FBXO11: variants seen among roughly 807,000 people sequenced by gnomAD.
The protein encoded by FBXO11 is F-box only protein 11.
Under a neutral mutation model 117.0 loss-of-function variants are expected in FBXO11, and 13 were observed. That is an observed-to-expected ratio of 0.11 (90% confidence interval 0.07 to 0.18). The LOEUF (loss-of-function observed/expected upper bound fraction) is 0.18. Among genes scored for constraint, FBXO11 ranks in the 10% least tolerant of loss-of-function variants. FBXO11 has a pLI of 1.00. For synonymous variants in FBXO11, 490 were observed against 380.5 expected, an observed-to-expected ratio of 1.29 and a Z score of -3.35; for missense variants, 767 against 1,164.4, an observed-to-expected ratio of 0.66 and a Z score of 4.97.
rs1274065101 is a variant in FBXO11, at chr2:47,809,264, T to A, written c.2449A>T (p.Asn817Tyr). The A allele has an allele frequency of 6.5e-7, 1 of 1,541,990 alleles. No individual in the cohort carries two copies. Residue 817 changes from asparagine to tyrosine, a missense_variant and splice_region_variant, in exon 21 of 23, where the codon AAC becomes TAC. Physicochemically the swap from Asn to Tyr is moderately radical, Grantham distance 143. Transcript: ENST00000403359. ...ASGVNVTMKDNKIMNNQDAIE... is the reference protein window; with the variant it reads ...ASGVNVTMKDYKIMNNQDAIE... ...GCATCTTGATTGTTCATTATTTTGT[T>A]ATCTGTAATAAAAGAAAGAATAAGT...
At position 47,834,719 on chromosome 2, in the gene FBXO11, A is replaced by C. The variant is rs1672424134; in HGVS notation, c.802-8T>G. ...TTCAATAGTATCATAATACTAGAAA[A>C]AAATAAATGTGTCAGTACAGAACTG... On this transcript the variant is annotated splice_polypyrimidine_tract_variant and splice_region_variant and intron_variant, in intron 6 of 22. Coordinates refer to ENST00000403359, the MANE Select transcript of FBXO11 (RefSeq NM_001190274.2). 6.2e-7 allele frequency: 1 copy of C among 1,607,610 alleles called. No individual in the cohort carries two copies. The highest frequency in any genetic ancestry group is 8.5e-7 in the Non-Finnish European group (1 of 1,178,288).
chr2:47,808,932 A>C (rs115277608), intron 21 of FBXO11: 17 of 398,772 alleles, frequency 4.3e-5, no homozygotes, highest in South Asian at 2.9e-4. Flanking sequence ...CCTGGGCTCC[A>C]GTGATCCTCC....
chr2:47,896,376 C>T (rs1222276184), intron 1 of FBXO11, among the ~76,000 whole-genome samples: 1 of 151,208 alleles, frequency 6.6e-6, no homozygotes, highest in Non-Finnish European at 1.5e-5. Flanking sequence ...GTCACCCAGG[C>T]TGGAGTGCAG....
At chr2:47,842,693 T>C (rs573399599) in intron 1 of FBXO11, among the ~76,000 whole-genome samples, 82 of 151,690 alleles carry the variant, frequency 5.4e-4, no homozygotes, top group Non-Finnish European at 6.9e-4. Flanking sequence ...GTTCAAGAAG[T>C]ATTTCAATTA....
chr2:47,820,891 G>C (rs991520833), intron 13 of FBXO11, among the ~76,000 whole-genome samples: 7 of 152,186 alleles, frequency 4.6e-5, no homozygotes, highest in African/African-American at 1.7e-4. Flanking sequence ...GTATTAACCA[G>C]GTTAGAGTTA....
At position 47,900,454 on chromosome 2, in the gene FBXO11, A is replaced by C. The variant is rs1342589136; in HGVS notation, c.232+5035T>G. Among the ~76,000 whole-genome samples, 4 of 152,156 alleles carry C rather than the reference A, an allele frequency of 2.6e-5. No homozygotes were observed. In the East Asian group the frequency reaches 7.7e-4, roughly 29 times the overall value. ...GAACAATGCCACAGAAAGTATAACT[A>C]GCATTCCTGACTAGAACAGCAAGGA... On this transcript the variant is annotated intron_variant, in intron 1 of 22. Transcript: ENST00000403359.
intron 16 of FBXO11, among the ~76,000 whole-genome samples, chr2:47,815,950 TG>T (rs1379103909): frequency 6.6e-6 from 1 of 152,188 alleles, no homozygotes; most frequent in Non-Finnish European, 1.5e-5. Flanking sequence ...TGGCCCACGC[TG>T]GCCTCATGGG....
At chr2:47,866,511 G>A (rs1675208778) in intron 1 of FBXO11, among the ~76,000 whole-genome samples, 1 of 149,280 alleles carries the variant, frequency 6.7e-6, no homozygotes, top group South Asian at 2.1e-4. Context: ...GTCTTGCTCT[G>A]TCGCCAGGCT....
chr2:47,837,256 G>T (rs186555451), intron 4 of FBXO11, among the ~76,000 whole-genome samples: 1 of 152,366 alleles, frequency 6.6e-6, no homozygotes, highest in African/African-American at 2.4e-5. Flanking sequence ...GCCGGGCACA[G>T]TGGCCCATGC....
intron 1 of FBXO11, among the ~76,000 whole-genome samples, chr2:47,861,687 G>A (rs1253932684): frequency 6.6e-6 from 1 of 152,110 alleles, no homozygotes; most frequent in East Asian, 1.9e-4. Context: ...TGAGACACAA[G>A]AAGTTAACTT....
intron 1 of FBXO11, among the ~76,000 whole-genome samples, chr2:47,849,410 C>T (rs573522743): frequency 1.3e-5 from 2 of 152,292 alleles, no homozygotes; most frequent in African/African-American, 4.8e-5. Flanking sequence ...CGTTCTTACA[C>T]TGAATTTTTG....
At position 47,813,840 on chromosome 2, in the gene FBXO11, G is replaced by T. The variant is rs1188705069; in HGVS notation, c.2034C>A (p.Arg678=). 1 of 1,613,398 alleles carries T rather than the reference G, an allele frequency of 6.2e-7. No individual in the cohort carries two copies. Among genetic ancestry groups the T allele is most frequent in the Admixed American group, 1.7e-5 (1 of 59,976 alleles). Residue 678 remains arginine, a synonymous_variant, in exon 17 of 23, where the codon CGC becomes CGA. Transcript: ENST00000403359. The part of the protein sequence containing the change: ...IRTGSNPKIR[R]NKIWGGQNGG... ...CATTCTGTCCTCCCCAGATTTTGTT[G>T]CGTCTAATTTTGGGGTTGCTTCCAG...
chr2:47,864,846 G>A (rs1304414600), intron 1 of FBXO11, among the ~76,000 whole-genome samples: 2 of 151,790 alleles, frequency 1.3e-5, no homozygotes, highest in Non-Finnish European at 2.9e-5. Context: ...GAATCAACAT[G>A]TATTATAATA....
rs201006799 is a variant in FBXO11, at chr2:47,818,969, T to C, written c.1907A>G (p.His636Arg). 1 of 1,613,816 alleles carries C rather than the reference T, an allele frequency of 6.2e-7. No individual in the cohort carries two copies. Among genetic ancestry groups the C allele is most frequent in the African/African-American group, 1.3e-5 (1 of 74,880 alleles). Reference sequence around the variant, plus strand: ...GGCTAATCCTACCTGCTTGCCACTGTGTATCCGGTTTCTTCTCAGTACTGG... The same window carrying C: ...GGCTAATCCTACCTGCTTGCCACTGCGTATCCGGTTTCTTCTCAGTACTGG... ...STPVLRRNRI[H>R]SGKQVGVYFY... The change falls in exon 15 of 23, where the codon CAC becomes CGC. Residue 636 changes from histidine to arginine, a missense_variant. By Grantham distance (29) the His-to-Arg change is conservative (BLOSUM62 0). Coordinates refer to ENST00000403359, the MANE Select transcript of FBXO11 (RefSeq NM_001190274.2).
chr2:47,878,084 C>T (rs1381278460), intron 1 of FBXO11, among the ~76,000 whole-genome samples: 2 of 152,240 alleles, frequency 1.3e-5, no homozygotes. Context: ...GCTGTCACTG[C>T]TTCCTTCCAG....
At chr2:47,878,761 T>C (rs1488427767) in intron 1 of FBXO11, among the ~76,000 whole-genome samples, 1 of 151,304 alleles carries the variant, frequency 6.6e-6, no homozygotes, top group Non-Finnish European at 1.5e-5. Flanking sequence ...GCAGATCACC[T>C]GAGGTCAGGA....
chr2:47,903,694 TACC>T (rs1207021192), intron 1 of FBXO11, among the ~76,000 whole-genome samples: 2 of 152,244 alleles, frequency 1.3e-5, no homozygotes, highest in Admixed American at 6.5e-5. Flanking sequence ...ATTAACCAAT[TACC>T]ACATCTTGAA....
rs558949561 is a variant in FBXO11, at chr2:47,852,017, A to C, written c.233-12248T>G. On this transcript the variant is annotated intron_variant, in intron 1 of 22. Transcript: ENST00000403359. ...TTTTTTTTTTTTTTTTTTGAGGCTG[A>C]GTCTTGCTCTGTTGCCCAGGTTGGA... Among the ~76,000 whole-genome samples, 3 of 131,756 alleles carry C rather than the reference A, an allele frequency of 2.3e-5. No homozygotes were observed. In the East Asian group the frequency reaches 6.5e-4, roughly 28 times the overall value. The allele number at this position is 131,756 out of a possible 152,430, so 86.4% of individuals were successfully genotyped here.
At chr2:47,869,243 T>C (rs764190562) in intron 1 of FBXO11, among the ~76,000 whole-genome samples, 3 of 152,238 alleles carry the variant, frequency 2.0e-5, no homozygotes, top group Admixed American at 6.5e-5. Context: ...GCTTATGCTC[T>C]GCTGGCCTAA....
Sources: gnomAD v4.1 joint callset for allele counts (sites outside exome capture counted in the v4.1 genomes callset) on GRCh38, gnomAD v4.1.1 for gene constraint, MANE v1.5 for transcripts, NCBI Gene and HGNC (gene_info 2026-07-23, HGNC 2026-07-21) for gene names.